TG: variants seen among roughly 807,000 people sequenced by gnomAD.
TG encodes the protein thyroglobulin, also known as thyroid hormones.
TG carries 270 observed loss-of-function variants against 324.7 expected under a neutral mutation model. The ratio of observed to expected loss-of-function variants is 0.83; its 90% CI spans 0.75 to 0.92. The LOEUF (loss-of-function observed/expected upper bound fraction) is 0.92. Ranked by LOEUF, TG falls within the 40% of genes least tolerant of loss-of-function variation. The pLI is 0.00. For missense variants in TG, 3,591 were observed against 3,456.4 expected, an observed-to-expected ratio of 1.04 and a Z score of -0.98; for synonymous variants, 1,401 against 1,327.0, an observed-to-expected ratio of 1.06 and a Z score of -1.21.
intron 41 of TG, among the ~76,000 whole-genome samples, chr8:133,057,526 C>CATCATG (rs1841666437): frequency 6.6e-6 from 1 of 152,126 alleles, no homozygotes; most frequent in African/African-American, 2.4e-5. Flanking sequence ...TTTGCTGGTG[C>CATCATG]CTGCCCTGCA....
intron 43 of TG, among the ~76,000 whole-genome samples, chr8:133,098,039 A>G (rs573612106): frequency 2.0e-5 from 3 of 152,198 alleles, no homozygotes; most frequent in Non-Finnish European, 2.9e-5. Flanking sequence ...AGGGCAAAAT[A>G]CCTTTTGTAC....
chr8:133,060,595 C>T (rs1466983823), intron 41 of TG, among the ~76,000 whole-genome samples: 1 of 152,166 alleles, frequency 6.6e-6, no homozygotes, highest in African/African-American at 2.4e-5. Flanking sequence ...ATTTGGAGTA[C>T]AGGAGTTGTG....
chr8:132,929,273 C>A, intron 23 of TG, 81 bp downstream of exon 23: 1 of 1,044,080 alleles, frequency 9.6e-7, no homozygotes, highest in Non-Finnish European at 1.5e-6. Context: ...CAAACCAAAT[C>A]AAACCATTAA....
chr8:132,966,848 T>G, intron 30 of TG, 151 bp downstream of exon 30: 2 of 946,806 alleles, frequency 2.1e-6, no homozygotes, highest in Non-Finnish European at 3.3e-6. Flanking sequence ...AGATAGCACA[T>G]AACCCATATC....
intron 41 of TG, chr8:133,075,147 G>T: frequency 2.0e-6 from 2 of 984,812 alleles, no homozygotes; most frequent in Non-Finnish European, 2.4e-6. Flanking sequence ...AGATAGATGG[G>T]TTATTAATTT....
intron 2 of TG, 38 bp downstream of exon 2, chr8:132,868,261 G>A (rs1563882766): frequency 1.9e-6 from 3 of 1,591,034 alleles, no homozygotes; most frequent in Non-Finnish European, 2.6e-6. Context: ...CAAGGTCCAA[G>A]ATGCCATAAA....
In TG at chr8:132,887,965, G is replaced by T; in HGVS notation, c.2177-19G>T. 1.9e-6 allele frequency: 3 copies of T among 1,604,100 alleles called. No individual in the cohort carries two copies. In the Admixed American group the frequency reaches 5.1e-5, roughly 27 times the overall value. ...TTAAATTTCTTAAACTGAAACACCT[G>T]CTCATTGTTCCTCCCCAGGCCCCAC... On this transcript the variant is annotated intron_variant, in intron 9 of 47. Transcript: ENST00000220616.
chr8:133,069,862 C>T (rs1343850894), intron 41 of TG, among the ~76,000 whole-genome samples: 10 of 151,436 alleles, frequency 6.6e-5, no homozygotes, highest in Admixed American at 4.0e-4. Context: ...ATCAGCTGGG[C>T]GTGGTGGCAG....
chr8:132,952,414 G>A (rs1225531175), intron 27 of TG, among the ~76,000 whole-genome samples: 2 of 152,126 alleles, frequency 1.3e-5, no homozygotes, highest in South Asian at 2.1e-4. Context: ...GGGCGCATTC[G>A]TTCACAGATT....
intron 46 of TG, 128 bp downstream of exon 46, chr8:133,132,074 GCCAC>G: frequency 7.1e-7 from 1 of 1,402,322 alleles, no homozygotes; most frequent in Non-Finnish European, 1.0e-6. Context: ...ATAATCACCA[GCCAC>G]TGGCCTCCCT....
Position 133,124,155 on chromosome 8 carries a change from G to A in TG, c.7862+7439G>A, listed in dbSNP as rs117390436. Among the ~76,000 whole-genome samples, 3 of 152,332 alleles carry A rather than the reference G, an allele frequency of 2.0e-5. No individual in the cohort carries two copies. In the East Asian group the frequency reaches 5.8e-4, roughly 29 times the overall value. On this transcript the variant is annotated intron_variant, in intron 45 of 47. Coordinates refer to ENST00000220616, the MANE Select transcript of TG (RefSeq NM_003235.5). The stretch of plus-strand genomic sequence containing the variant: ...GCCTCTCATCTTAAAATGCCTGGGG[G>A]CTGGGCCAGCTGTGGAGTTCATGGT...
intron 41 of TG, among the ~76,000 whole-genome samples, chr8:133,069,204 G>A (rs564042386): frequency 2.1e-4 from 32 of 152,376 alleles, no homozygotes; most frequent in African/African-American, 7.5e-4. Context: ...TATAAAGTCC[G>A]TGATTTCTTT....
chr8:132,896,950 G>T (rs1817205726), intron 11 of TG, among the ~76,000 whole-genome samples: 2 of 152,168 alleles, frequency 1.3e-5, no homozygotes, highest in South Asian at 4.1e-4. Flanking sequence ...TAGTGGGGTG[G>T]CCAGTGGTTC....
rs150787376 is a variant in TG at position 133,131,092 on chromosome 8, C to A, written c.7863-720C>A. On this transcript the variant is annotated intron_variant, in intron 45 of 47. Coordinates refer to ENST00000220616, the MANE Select transcript of TG (RefSeq NM_003235.5). ...AGTCCAGACCTCTCTTTGGGCAAAG[C>A]CCGATTTTTTACTATGCAGTGGTGA... 2.0e-5 allele frequency among the ~76,000 whole-genome samples: 3 copies of A among 152,308 alleles called. No homozygotes were observed. In the East Asian group the frequency reaches 5.8e-4, roughly 29 times the overall value.
intron 10 of TG, among the ~76,000 whole-genome samples, chr8:132,892,966 G>A (rs963488188): frequency 1.3e-5 from 2 of 148,642 alleles, no homozygotes; most frequent in African/African-American, 5.0e-5. Context: ...TGTACTGTGT[G>A]GTGTGTATGT....
chr8:132,881,238 C>T (rs2132117931), intron 5 of TG, among the ~76,000 whole-genome samples: 1 of 152,264 alleles, frequency 6.6e-6, no homozygotes, highest in East Asian at 1.9e-4. Flanking sequence ...TAACAATTGC[C>T]AGGCCAGATG....
At chr8:132,935,934 A>G in intron 25 of TG, 70 bp downstream of exon 25, 1 of 1,272,552 alleles carries the variant, frequency 7.9e-7, no homozygotes, top group South Asian at 1.2e-5. Flanking sequence ...GCTGGTTTCC[A>G]GCAGGTGCAT....
intron 44 of TG, among the ~76,000 whole-genome samples, chr8:133,115,129 C>A (rs2958684): frequency 0.049 from 7,344 of 150,048 alleles, 254 homozygotes; most frequent in Middle Eastern, 0.095. Flanking sequence ...ATCAAAAAAC[C>A]TAGGTTCTTG....
chr8:132,898,476 T>A (rs1817446401), intron 13 of TG, among the ~76,000 whole-genome samples: 1 of 152,214 alleles, frequency 6.6e-6, no homozygotes, highest in Non-Finnish European at 1.5e-5. Flanking sequence ...CAGCTGAGAC[T>A]GTTGAAGGAG....
Sources: allele counts gnomAD v4.1 joint callset (sites outside exome capture counted in the v4.1 genomes callset), GRCh38; gene constraint gnomAD v4.1.1; transcripts MANE v1.5; gene names NCBI Gene and HGNC (gene_info 2026-07-23, HGNC 2026-07-21).